HHAT: variants seen among roughly 807,000 people sequenced by gnomAD.
The protein encoded by HHAT is hedgehog acyltransferase.
A neutral mutation model predicts 70.8 loss-of-function variants in HHAT; 47 were observed. That is an observed-to-expected ratio of 0.66 (90% confidence interval 0.53 to 0.85). The LOEUF is 0.85. Among genes scored for constraint, HHAT ranks in the 40% least tolerant of loss-of-function variants. The pLI, the probability that HHAT is intolerant of heterozygous loss-of-function variation, is 0.00. For missense variants in HHAT, 609 were observed against 604.8 expected (o/e 1.01, Z -0.07); for synonymous variants, 228 against 247.6 (o/e 0.92, Z 0.74).
intron 4 of HHAT, among the ~76,000 whole-genome samples, chr1:210,389,300 A>G (rs969433240): frequency 2.0e-5 from 3 of 152,234 alleles, no homozygotes; most frequent in Non-Finnish European, 4.4e-5. Flanking sequence ...TCTTGCTGAC[A>G]TCGCGGCAAT....
chr1:210,562,963 A>T (rs1046876571), intron 9 of HHAT, among the ~76,000 whole-genome samples: 11 of 152,062 alleles, frequency 7.2e-5, no homozygotes, highest in South Asian at 4.2e-4. Context: ...AGCTTCATCC[A>T]TGTCCCTACA....
chr1:210,554,382 A>G (rs960647561), intron 9 of HHAT, among the ~76,000 whole-genome samples: 1 of 152,084 alleles, frequency 6.6e-6, no homozygotes, highest in African/African-American at 2.4e-5. Context: ...CTTTGGTGGG[A>G]TGCGGTACTC....
At chr1:210,427,768 A>G (rs996349627) in intron 7 of HHAT, among the ~76,000 whole-genome samples, 2 of 152,116 alleles carry the variant, frequency 1.3e-5, no homozygotes, top group African/African-American at 4.8e-5. Flanking sequence ...AAGAATGTAT[A>G]TTCTGTTGTT....
At chr1:210,560,619 C>A (rs2095612464) in intron 9 of HHAT, among the ~76,000 whole-genome samples, 1 of 149,824 alleles carries the variant, frequency 6.7e-6, no homozygotes, top group Non-Finnish European at 1.5e-5. Flanking sequence ...AGCTCAAGAC[C>A]AGCCTGGGCA....
At chr1:210,529,610 C>G (rs1018536435) in intron 9 of HHAT, among the ~76,000 whole-genome samples, 4 of 152,170 alleles carry the variant, frequency 2.6e-5, no homozygotes, top group African/African-American at 9.7e-5. Context: ...GTATCCCAGG[C>G]CCAGCTTCTC....
intron 3 of HHAT, among the ~76,000 whole-genome samples, chr1:210,369,314 G>A (rs1000235181): frequency 2.0e-5 from 3 of 152,174 alleles, no homozygotes; most frequent in Non-Finnish European, 4.4e-5. Context: ...TGTTCTTTCA[G>A]AAGTAAAATC....
chr1:210,464,260 C>T (rs2094047354), intron 7 of HHAT, among the ~76,000 whole-genome samples: 1 of 152,032 alleles, frequency 6.6e-6, no homozygotes, highest in African/African-American at 2.4e-5. Context: ...TTCCTAGCAT[C>T]TGTAAAAGCA....
chr1:210,328,208 C>G (rs527892180), upstream of HHAT: 6 of 152,098 alleles, frequency 3.9e-5, no homozygotes, highest in Admixed American at 6.5e-5. Context: ...ATGAGAGCCA[C>G]GTGATTCTGC....
chr1:210,356,149 AC>A (rs916203832), intron 2 of HHAT, among the ~76,000 whole-genome samples: 3 of 150,772 alleles, frequency 2.0e-5, no homozygotes, highest in African/African-American at 7.3e-5. Flanking sequence ...CTGGTCTTAA[AC>A]CCCTGGCCTC....
chr1:210,364,763 C>T (rs2088731264), intron 3 of HHAT, among the ~76,000 whole-genome samples: 1 of 152,218 alleles, frequency 6.6e-6, no homozygotes, highest in Non-Finnish European at 1.5e-5. Flanking sequence ...CAGAGATGAC[C>T]CCTTCTCAGT....
At chr1:210,519,570 C>T (rs2095118457) in intron 9 of HHAT, among the ~76,000 whole-genome samples, 1 of 150,342 alleles carries the variant, frequency 6.7e-6, no homozygotes, top group Non-Finnish European at 1.5e-5. Context: ...CTCTGTCACC[C>T]AGGCTGGAGT....
At chr1:210,663,279 G>A (rs945488704) in intron 11 of HHAT, among the ~76,000 whole-genome samples, 7 of 152,176 alleles carry the variant, frequency 4.6e-5, no homozygotes, top group Non-Finnish European at 1.0e-4. Context: ...CCATCCTGAA[G>A]CTTCTCCCTC....
At chr1:210,668,560 C>T (rs980965009) in intron 11 of HHAT, among the ~76,000 whole-genome samples, 1 of 152,202 alleles carries the variant, frequency 6.6e-6, no homozygotes, top group Non-Finnish European at 1.5e-5. Flanking sequence ...TCGCCTTCTA[C>T]CATGATTGTG....
intron 3 of HHAT, among the ~76,000 whole-genome samples, chr1:210,385,251 TC>T (rs1381257040): frequency 1.2e-5 from 1 of 81,020 alleles, no homozygotes; most frequent in Non-Finnish European, 2.4e-5. Context: ...CATATGTTTT[TC>T]TTTTTTTTTT....
intron 9 of HHAT, among the ~76,000 whole-genome samples, chr1:210,560,814 TAAAAAAAAAAAAAAAAAA>T (rs60192211): frequency 1.2e-3 from 35 of 28,516 alleles, no homozygotes; most frequent in African/African-American, 2.5e-3. Flanking sequence ...CCCTGTGTCT[TAAAAAAAAAAAAAAAAAA>T]AAAAAAAAAA....
At chr1:210,332,759 C>G (rs1435808055) in intron 1 of HHAT, among the ~76,000 whole-genome samples, 1 of 152,222 alleles carries the variant, frequency 6.6e-6, no homozygotes, top group African/African-American at 2.4e-5. Flanking sequence ...CCACATATTA[C>G]ACAAAGTGGG....
chr1:210,635,441 A>T (rs1013864985), intron 11 of HHAT, among the ~76,000 whole-genome samples: 2 of 152,202 alleles, frequency 1.3e-5, no homozygotes, highest in African/African-American at 4.8e-5. Context: ...AGAGAGTGAC[A>T]TGATTTTCAT....
At chr1:210,480,537 C>T (rs1293300865) in intron 8 of HHAT, among the ~76,000 whole-genome samples, 1 of 152,172 alleles carries the variant, frequency 6.6e-6, no homozygotes, top group East Asian at 1.9e-4. Context: ...CCAGGAGGCA[C>T]AACACCAGGG....
chr1:210,544,367 G>GTTTTTTTTTTTTTT (rs569514246), intron 9 of HHAT, among the ~76,000 whole-genome samples: 1 of 90,066 alleles, frequency 1.1e-5, no homozygotes, highest in Non-Finnish European at 2.1e-5. Flanking sequence ...TCTTTCTTTC[G>GTTTTTTTTTTTTTT]TTTTTTTTTT....
Sources: allele counts gnomAD v4.1 joint callset (sites outside exome capture counted in the v4.1 genomes callset), GRCh38; gene constraint gnomAD v4.1.1; transcripts MANE v1.5; gene names NCBI Gene and HGNC (gene_info 2026-07-23, HGNC 2026-07-21).